UPP2: variants seen among roughly 807,000 people sequenced by gnomAD.
UPP2 encodes the protein UPase 2.
A neutral mutation model predicts 26.7 loss-of-function variants in UPP2; 23 were observed. That is an observed-to-expected ratio of 0.86 (90% CI 0.62 to 1.22). The LOEUF (loss-of-function observed/expected upper bound fraction) is 1.22. Among genes scored for constraint, UPP2 ranks in the 50% most tolerant of loss-of-function variants. UPP2 has a pLI of 0.00. For synonymous variants in UPP2, 127 were observed against 141.3 expected, an observed-to-expected ratio of 0.90 and a Z score of 0.72; for missense variants, 387 against 396.7, an observed-to-expected ratio of 0.98 and a Z score of 0.21.
chr2:158,107,715 T>C (rs1048469375), intron 2 of UPP2, among the ~76,000 whole-genome samples: 12 of 151,992 alleles, frequency 7.9e-5, no homozygotes, highest in Non-Finnish European at 5.9e-5. Context: ...TGCCTATGAT[T>C]AGTAGGTGCT....
intron 3 of UPP2, among the ~76,000 whole-genome samples, chr2:158,083,240 T>C (rs962981436): frequency 3.9e-5 from 6 of 152,152 alleles, no homozygotes; most frequent in Non-Finnish European, 7.3e-5. Context: ...CATTCTACTA[T>C]AAAGACACAT....
intron 3 of UPP2, 56 bp downstream of exon 3, chr2:158,115,315 G>A: frequency 2.0e-6 from 3 of 1,499,616 alleles, no homozygotes; most frequent in South Asian, 1.4e-5. Flanking sequence ...AAAAAAGTGG[G>A]AACTTTTACA....
At chr2:158,041,801 G>C (rs1228676577) in intron 3 of UPP2, among the ~76,000 whole-genome samples, 1 of 152,156 alleles carries the variant, frequency 6.6e-6, no homozygotes, top group Non-Finnish European at 1.5e-5. Flanking sequence ...TAGTTGATGA[G>C]TAAATGAGTT....
intron 3 of UPP2, among the ~76,000 whole-genome samples, chr2:158,117,311 A>C (rs1015464158): frequency 2.6e-5 from 4 of 152,072 alleles, no homozygotes; most frequent in African/African-American, 9.7e-5. Context: ...AAAATTGTTA[A>C]GTGGGGAATC....
chr2:158,000,658 T>A lies in UPP2; in HGVS notation c.61+5399T>A, dbSNP rs116671172. Among the ~76,000 whole-genome samples, 390 of 152,348 alleles carry A rather than the reference T, an allele frequency of 2.6e-3. 3 individuals carry two copies. Among genetic ancestry groups the A allele is most frequent in the African/African-American group, 8.8e-3 (368 of 41,588 alleles). On this transcript the variant is annotated intron_variant, in intron 2 of 9. Transcript: ENST00000605860. ...TCTTTCCCTAGGTCCAAGTATCAAA[T>A]CTCGGAGAAATTTATTGGCCTGTTA...
intron 3 of UPP2, among the ~76,000 whole-genome samples, chr2:158,116,160 C>G (rs1683427377): frequency 6.6e-6 from 1 of 152,174 alleles, no homozygotes; most frequent in African/African-American, 2.4e-5. Flanking sequence ...AGCTAAATTG[C>G]TCTCCTCTCT....
At chr2:158,018,035 T>C (rs919888806) in intron 3 of UPP2, among the ~76,000 whole-genome samples, 1 of 152,240 alleles carries the variant, frequency 6.6e-6, no homozygotes, top group Non-Finnish European at 1.5e-5. Flanking sequence ...TGATAATTAA[T>C]GTTTTAAAAA....
At chr2:158,099,869 C>A (rs142630710), upstream of UPP2, among the ~76,000 whole-genome samples, 1,269 of 152,316 alleles carry the variant, frequency 8.3e-3, 11 homozygotes, top group Non-Finnish European at 0.014. Flanking sequence ...TTTGGCAGAT[C>A]TGATGCAAGA....
intron 3 of UPP2, among the ~76,000 whole-genome samples, chr2:158,076,651 G>A (rs902413377): frequency 4.6e-5 from 7 of 151,920 alleles, no homozygotes; most frequent in African/African-American, 1.7e-4. Context: ...AAAAAACTGG[G>A]TATAAGAGAA....
intron 3 of UPP2, among the ~76,000 whole-genome samples, chr2:158,039,275 T>C (rs1489613138): frequency 6.6e-6 from 1 of 152,152 alleles, no homozygotes; most frequent in Non-Finnish European, 1.5e-5. Context: ...AGTCAGGAGA[T>C]TGTGTTCCTG....
At chr2:158,111,739 TGTTTTGTTTCA>T (rs955148722) in intron 2 of UPP2, among the ~76,000 whole-genome samples, 2 of 152,208 alleles carry the variant, frequency 1.3e-5, no homozygotes, top group Admixed American at 6.5e-5. Context: ...TATATCTCTT[TGTTTTGTTTCA>T]GTTTTGTTTC....
At chr2:157,995,531 C>A (rs544086216) in intron 2 of UPP2, among the ~76,000 whole-genome samples, 5 of 152,162 alleles carry the variant, frequency 3.3e-5, no homozygotes, top group African/African-American at 4.8e-5. Flanking sequence ...CAGCCCTACA[C>A]TGGTGCCTTA....
At chr2:158,127,930 T>G in intron 6 of UPP2, 1 of 895,964 alleles carries the variant, frequency 1.1e-6, no homozygotes, top group African/African-American at 1.8e-5. Context: ...CTCCTATCAC[T>G]TTATAATATG....
At chr2:158,049,132 T>C (rs946397581) in intron 3 of UPP2, among the ~76,000 whole-genome samples, 18 of 152,218 alleles carry the variant, frequency 1.2e-4, no homozygotes, top group African/African-American at 4.1e-4. Flanking sequence ...ACTAGGTGAT[T>C]CTTACTAAAG....
chr2:158,012,360 C>T (rs978774373), intron 2 of UPP2, among the ~76,000 whole-genome samples: 2 of 148,588 alleles, frequency 1.3e-5, no homozygotes, highest in East Asian at 2.0e-4. Context: ...CTCTGCCTAC[C>T]GGATTCAAGT....
At chr2:158,070,329 T>C (rs10933457) in intron 3 of UPP2, among the ~76,000 whole-genome samples, 84,172 of 152,098 alleles carry the variant, frequency 0.55, 24,181 homozygotes, top group African/African-American at 0.61. Context: ...CTACCCATTC[T>C]AGACAAGCCA....
chr2:158,133,794 T>C (rs1057131030), intron 6 of UPP2: 1 of 152,176 alleles, frequency 6.6e-6, no homozygotes, highest in Non-Finnish European at 1.5e-5. Flanking sequence ...GCCTTCCAAG[T>C]TTGTTAATAC....
chr2:158,095,702 T>C (rs1362347902), intron 3 of UPP2, among the ~76,000 whole-genome samples: 2 of 152,098 alleles, frequency 1.3e-5, no homozygotes, highest in Non-Finnish European at 2.9e-5. Context: ...GAGGATGAAA[T>C]GAGATACGGA....
At chr2:158,064,900 T>C (rs1031383416) in intron 3 of UPP2, among the ~76,000 whole-genome samples, 6 of 152,214 alleles carry the variant, frequency 3.9e-5, no homozygotes, top group African/African-American at 1.2e-4. Flanking sequence ...TGGTTGTAGA[T>C]GTGCAATGCT....
Sources: allele counts gnomAD v4.1 joint callset (sites outside exome capture counted in the v4.1 genomes callset), GRCh38; gene constraint gnomAD v4.1.1; transcripts MANE v1.5; gene names NCBI Gene and HGNC (gene_info 2026-07-23, HGNC 2026-07-21).